Variants in PHKG1 observed in about 807,000 individuals in gnomAD.
PHKG1 encodes phosphorylase b kinase gamma catalytic chain, skeletal muscle/heart isoform.
Under a neutral mutation model 50.5 loss-of-function variants are expected in PHKG1, and 48 were observed. The ratio of observed to expected loss-of-function variants is 0.95; its 90% CI spans 0.75 to 1.21. The LOEUF (loss-of-function observed/expected upper bound fraction) is 1.21. Ranked by LOEUF, PHKG1 falls within the 50% of genes most tolerant of loss-of-function variation. The probability of loss-of-function intolerance (pLI) is 0.00; values close to 1 mark genes in which losing one functional copy is unlikely to be tolerated. For missense variants in PHKG1, 487 were observed against 519.5 expected, an observed-to-expected ratio of 0.94 and a Z score of 0.61; for synonymous variants, 204 against 212.8, an observed-to-expected ratio of 0.96 and a Z score of 0.36.
intron 4 of PHKG1, among the ~76,000 whole-genome samples, chr7:56,086,058 C>T (rs1282139232): frequency 6.6e-6 from 1 of 151,672 alleles, no homozygotes; most frequent in African/African-American, 2.4e-5. Context: ...AAAATGCCTG[C>T]AGGACCTGGT....
chr7:56,087,098 G>C, intron 3 of PHKG1, 74 bp from the exon 4 acceptor site: 1 of 1,135,702 alleles, frequency 8.8e-7, no homozygotes, highest in Non-Finnish European at 1.3e-6. Context: ...ACGGGGGTCA[G>C]GGACCGAGGC....
intron 2 of PHKG1, 106 bp downstream of exon 2, chr7:56,088,752 TG>T: frequency 1.4e-6 from 1 of 706,818 alleles, no homozygotes; most frequent in Non-Finnish European, 2.5e-6. Context: ...AACAGCACTT[TG>T]GGGATGAAAG....
chr7:56,082,236 T>TG lies in PHKG1; in HGVS notation c.564dup (p.Ser189GlnfsTer6). On this transcript the variant is annotated frameshift_variant, in exon 7 of 10. Coordinates refer to ENST00000297373, the MANE Select transcript of PHKG1 (RefSeq NM_006213.5). LOFTEE classifies it high-confidence loss of function. ...TCGATAATCTCAGGGGCCAGGTAAC[T>TG]GGGGGTCCCGCAGACCTCTGCAGGA... is the stretch of plus-strand genomic sequence containing the variant. 6.2e-7 allele frequency: 1 copy of TG among 1,613,404 alleles called. No individual in the cohort carries two copies. Among genetic ancestry groups the TG allele is most frequent in the Non-Finnish European group, 8.5e-7 (1 of 1,179,864 alleles).
intron 2 of PHKG1, 76 bp from the exon 3 acceptor site, chr7:56,087,852 A>C (rs1048917280): frequency 2.5e-6 from 3 of 1,180,820 alleles, no homozygotes; most frequent in Non-Finnish European, 3.7e-6. Flanking sequence ...GCTGCAGCAG[A>C]GATGTCCTGC....
At chr7:56,083,570 C>G (rs1796121357) in intron 5 of PHKG1, 80 bp downstream of exon 5, 2 of 1,491,336 alleles carry the variant, frequency 1.3e-6, no homozygotes, top group Non-Finnish European at 1.9e-6. Flanking sequence ...ATGTGCACGC[C>G]CTGCCTCCCC....
At chr7:56,087,524 C>T (rs1048963464) in intron 3 of PHKG1, 74 bp downstream of exon 3, 26 of 1,466,036 alleles carry the variant, frequency 1.8e-5, no homozygotes, top group Non-Finnish European at 2.4e-5. Context: ...GGTGGGGCCA[C>T]ACTCCCTGGC....
At chr7:56,088,641 G>A (rs1486011545) in intron 2 of PHKG1, 1 of 471,332 alleles carries the variant, frequency 2.1e-6, no homozygotes, top group Non-Finnish European at 3.8e-6. Context: ...ACAGGTGTGA[G>A]CCATTGCGCC....
rs1795927615 is a variant in PHKG1 at position 56,080,649 on chromosome 7, TCTC to T, written c.*402_*404del. 4.5e-6 allele frequency: 1 copy of T among 220,794 alleles called. No homozygotes were observed. Among genetic ancestry groups the T allele is most frequent in the Admixed American group, 5.2e-5 (1 of 19,218 alleles). The allele number at this position is 220,794 out of a possible 1,614,324, so 13.7% of individuals were successfully genotyped here. ...ACTGGATGTCATGGGGCCAATAAAA[TCTC>T]CTGCAATTGTGTATCTCAGACATTT... On this transcript the variant is annotated 3_prime_UTR_variant, in exon 10 of 10. Coordinates refer to ENST00000297373, the MANE Select transcript of PHKG1 (RefSeq NM_006213.5).
At chr7:56,086,478 TTTTTTGTTTTGTTTTG>T (rs1272024636) in intron 4 of PHKG1, among the ~76,000 whole-genome samples, 10 of 152,048 alleles carry the variant, frequency 6.6e-5, no homozygotes, top group African/African-American at 2.4e-4. Context: ...TTTTGGGGTT[TTTTTTGTTTTGTTTTG>T]TTTTTGTTTT....
intron 4 of PHKG1, 118 bp from the exon 5 acceptor site, chr7:56,083,833 G>A (rs2242509): frequency 0.22 from 163,250 of 730,252 alleles, 19,292 homozygotes; most frequent in East Asian, 0.37. Context: ...GCCACTCTCC[G>A]TGGAGAACCA....
At chr7:56,085,180 C>T (rs983746246) in intron 4 of PHKG1, among the ~76,000 whole-genome samples, 7 of 152,082 alleles carry the variant, frequency 4.6e-5, no homozygotes, top group Admixed American at 2.0e-4. Context: ...AGGCTGGTCT[C>T]GAACTCCCGG....
At chr7:56,084,304 A>G in intron 4 of PHKG1, 1 of 986,152 alleles carries the variant, frequency 1.0e-6, no homozygotes, top group Non-Finnish European at 1.5e-6. Flanking sequence ...CTGGAGGCTG[A>G]AAGAGGGGAC....
intron 3 of PHKG1, among the ~76,000 whole-genome samples, 170 bp from the exon 4 acceptor site, chr7:56,087,194 T>A (rs1195700538): frequency 7.3e-6 from 1 of 136,086 alleles, no homozygotes; most frequent in Non-Finnish European, 1.6e-5. Context: ...GCCCAGGGAC[T>A]TTATTATTAT....
intron 1 of PHKG1, among the ~76,000 whole-genome samples, chr7:56,092,522 C>T (rs907956604): frequency 1.3e-5 from 2 of 152,224 alleles, no homozygotes; most frequent in African/African-American, 4.8e-5. Flanking sequence ...ACCCTCCCAC[C>T]TTGGCCTCCC....
chr7:56,092,076 G>A (rs898536193), intron 1 of PHKG1, among the ~76,000 whole-genome samples: 1 of 152,226 alleles, frequency 6.6e-6, no homozygotes, highest in Admixed American at 6.5e-5. Flanking sequence ...CAGCCTAGGC[G>A]CAAGCCTCCA....
At chr7:56,092,049 A>AC (rs1243682186) in intron 1 of PHKG1, among the ~76,000 whole-genome samples, 4 of 152,180 alleles carry the variant, frequency 2.6e-5, no homozygotes, top group Admixed American at 2.6e-4. Context: ...GTACACTTGG[A>AC]CCCCCATATG....
In PHKG1 at chr7:56,081,283, A is replaced by G; in HGVS notation, c.935T>C (p.Val312Ala). ...RGKFKVIALT[V>A]LASVRIYYQY... ...GTAGTAGATCCGCACTGAAGCCAGC[A>G]CGGTCAGAGCGATCACCTGCAGGGC... The change falls in exon 10 of 10, where the codon GTG becomes GCG. Residue 312 changes from valine (V) to alanine (A), a missense_variant. Coordinates refer to ENST00000297373, the MANE Select transcript of PHKG1 (RefSeq NM_006213.5). This position sits in a 1 kb window ranked among gnomAD's most constrained non-coding sequence, Gnocchi z 4.6. 6.2e-7 allele frequency: 1 copy of G among 1,610,366 alleles called. No homozygotes were observed. The highest frequency in any genetic ancestry group is 8.5e-7 in the Non-Finnish European group (1 of 1,179,756).
At chr7:56,084,199 C>T in intron 4 of PHKG1, 1 of 1,534,918 alleles carries the variant, frequency 6.5e-7, no homozygotes, top group Non-Finnish European at 8.7e-7. Context: ...AGTCCCAGCC[C>T]AAGCACCATT....
At chr7:56,089,126 C>G (rs1395058068) in intron 1 of PHKG1, among the ~76,000 whole-genome samples, 151 bp from the exon 2 acceptor site, 1 of 152,048 alleles carries the variant, frequency 6.6e-6, no homozygotes, top group African/African-American at 2.4e-5. Context: ...GAATTGAGGC[C>G]GTTCGTGGTG....
Sources: gnomAD v4.1 joint callset for allele counts (sites outside exome capture counted in the v4.1 genomes callset) on GRCh38, gnomAD v4.1.1 for gene constraint, Gnocchi (gnomAD v3.1) non-coding constraint, MANE v1.5 for transcripts, NCBI Gene and HGNC (gene_info 2026-07-23, HGNC 2026-07-21) for gene names.